Variants in PCDHGB4 observed in about 807,000 individuals in gnomAD.
PCDHGB4 encodes protocadherin gamma-B4.
Under a neutral mutation model 60.5 loss-of-function variants are expected in PCDHGB4, and 38 were observed. That is an observed-to-expected ratio of 0.63 (90% CI 0.48 to 0.82). PCDHGB4 has a LOEUF of 0.82. Ranked by LOEUF, PCDHGB4 falls within the 40% of genes least tolerant of loss-of-function variation. PCDHGB4 has a pLI of 0.00. For missense variants in PCDHGB4, 1,109 were observed against 1,209.6 expected (o/e 0.92, Z 1.23); for synonymous variants, 456 against 509.7 (o/e 0.89, Z 1.42).
chr5:141,404,796 G>T, intron 1 of PCDHGB4: 1 of 1,613,970 alleles, frequency 6.2e-7, no homozygotes, highest in Non-Finnish European at 8.5e-7. Flanking sequence ...AGTGAGCCAG[G>T]GCTCTTCTCG....
intron 1 of PCDHGB4, among the ~76,000 whole-genome samples, chr5:141,446,338 G>T (rs964323259): frequency 6.6e-6 from 1 of 152,128 alleles, no homozygotes; most frequent in African/African-American, 2.4e-5. Flanking sequence ...GGAACTGGAT[G>T]GACAAAGCTA....
Position 141,512,106 on chromosome 5 carries a change from T to A in PCDHGB4, c.*933T>A, listed in dbSNP as rs2099884076. 6.6e-6 allele frequency: 1 copy of A among 152,630 alleles called. No homozygotes were observed. Among genetic ancestry groups the A allele is most frequent in the Non-Finnish European group, 1.5e-5 (1 of 68,060 alleles). 9.5% of individuals were successfully genotyped at this position (152,630 alleles called of 1,614,324 possible). On this transcript the variant is annotated 3_prime_UTR_variant, in exon 4 of 4. Transcript: ENST00000519479. ...TAAACCAATAACTAGGCTGGACCCT[T>A]CCCACTACATAATAGGGCTCAGCCC...
At chr5:141,418,147 C>A (rs781655205) in intron 1 of PCDHGB4, 3 of 1,614,040 alleles carry the variant, frequency 1.9e-6, no homozygotes, top group Non-Finnish European at 2.5e-6. Flanking sequence ...AGCAAATATG[C>A]AAAGAGAGAA....
intron 1 of PCDHGB4, among the ~76,000 whole-genome samples, chr5:141,460,646 C>T (rs1001365023): frequency 2.0e-5 from 3 of 151,954 alleles, no homozygotes; most frequent in African/African-American, 7.3e-5. Context: ...ACTGTGTTTA[C>T]ACATATGTAA....
At chr5:141,478,117 C>T (rs1419172538) in intron 1 of PCDHGB4, 2 of 1,614,058 alleles carry the variant, frequency 1.2e-6, no homozygotes, top group East Asian at 4.5e-5. Flanking sequence ...TGTCAGTAAC[C>T]GAGGACTCTC....
At position 141,432,552 on chromosome 5, in the gene PCDHGB4, C is replaced by G. The variant is rs1181931321; in HGVS notation, c.2397+42271C>G. ...AAGGTGGTGGCGGTGGACAGAGACT[C>G]CGGCCAGAACGCCTGGCTGTCCTAC... On this transcript the variant is annotated intron_variant, in intron 1 of 3. Coordinates refer to ENST00000519479, the MANE Select transcript of PCDHGB4 (RefSeq NM_003736.4). The surrounding 1 kb of genome is among the most constrained non-coding windows in gnomAD (Gnocchi z 6.0). The G allele has an allele frequency of 6.2e-7, 1 of 1,613,970 alleles. No homozygotes were observed. The highest frequency in any genetic ancestry group is 1.1e-5 in the South Asian group (1 of 91,064).
chr5:141,418,254 A>T (rs1217236221), intron 1 of PCDHGB4: 2 of 1,613,904 alleles, frequency 1.2e-6, no homozygotes, highest in African/African-American at 2.7e-5. Flanking sequence ...CACGCCCCTC[A>T]ATTCCGGAAA....
chr5:141,401,770 T>C (rs975272408), intron 1 of PCDHGB4, among the ~76,000 whole-genome samples: 2 of 152,202 alleles, frequency 1.3e-5, no homozygotes, highest in African/African-American at 4.8e-5. Context: ...TATAAGTCTT[T>C]TGCTTGGTTT....
At chr5:141,427,683 G>A (rs761750638) in intron 1 of PCDHGB4, 3 of 836,052 alleles carry the variant, frequency 3.6e-6, no homozygotes, top group South Asian at 2.8e-5. Flanking sequence ...CCTTCCCGGA[G>A]CCTCCATCCC....
At chr5:141,471,114 T>A (rs1210058743) in intron 1 of PCDHGB4, among the ~76,000 whole-genome samples, 1 of 150,256 alleles carries the variant, frequency 6.7e-6, no homozygotes, top group Non-Finnish European at 1.5e-5. Context: ...AGTGGTGCGA[T>A]CTTACCTTCA....
intron 2 of PCDHGB4, among the ~76,000 whole-genome samples, chr5:141,505,007 C>T (rs1210694913): frequency 6.6e-6 from 1 of 152,050 alleles, no homozygotes; most frequent in Non-Finnish European, 1.5e-5. Flanking sequence ...ACTAAAAATA[C>T]AAAAATTAGC....
rs1444244130 is a variant in PCDHGB4 at position 141,433,401 on chromosome 5, A to ATCTATCTC, written c.2397+43125_2397+43126insCTCTCTAT. The stretch of plus-strand genomic sequence containing the variant: ...TATCTATCTATCTATCTATCTATCT[A>ATCTATCTC]TCTATTACTTTCTTGTACAGACAGG... On this transcript the variant is annotated intron_variant, in intron 1 of 3. Transcript: ENST00000519479. Among the ~76,000 whole-genome samples, 100 of 150,598 alleles carry ATCTATCTC rather than the reference A, an allele frequency of 6.6e-4. 1 individual carries two copies. Among genetic ancestry groups the ATCTATCTC allele is most frequent in the African/African-American group, 2.4e-3 (100 of 40,958 alleles).
intron 1 of PCDHGB4, among the ~76,000 whole-genome samples, chr5:141,397,195 GAT>G (rs2093485710): frequency 1.3e-5 from 2 of 152,150 alleles, no homozygotes; most frequent in Admixed American, 1.3e-4. Context: ...TACTGTAAAA[GAT>G]ATGACATAAG....
intron 1 of PCDHGB4, chr5:141,390,614 G>C (rs184586504): frequency 4.8e-5 from 14 of 289,200 alleles, no homozygotes; most frequent in Admixed American, 2.4e-4. Context: ...TTTCCTTCTT[G>C]TTGACTAATA....
At chr5:141,398,019 A>T (rs2093601039) in intron 1 of PCDHGB4, 1 of 1,427,024 alleles carries the variant, frequency 7.0e-7, no homozygotes, top group Admixed American at 2.6e-5. Flanking sequence ...CGTTTCCTAA[A>T]CTGGAACTGG....
At chr5:141,464,580 G>A (rs1459502164) in intron 1 of PCDHGB4, among the ~76,000 whole-genome samples, 1 of 152,118 alleles carries the variant, frequency 6.6e-6, no homozygotes, top group East Asian at 1.9e-4. Context: ...AGATGAGAAT[G>A]TCCATTGTCC....
At chr5:141,390,321 C>T (rs776100029) in intron 1 of PCDHGB4, 40 bp downstream of exon 1, 13 of 1,606,964 alleles carry the variant, frequency 8.1e-6, no homozygotes, top group Admixed American at 1.7e-5. Context: ...TCATTGCCTA[C>T]CCATTTCTCC....
intron 1 of PCDHGB4, among the ~76,000 whole-genome samples, chr5:141,452,353 AG>A (rs556616398): frequency 5.9e-5 from 9 of 152,206 alleles, no homozygotes; most frequent in Non-Finnish European, 1.3e-4. Context: ...TTTATCCAAA[AG>A]CCTTGCTTCA....
At chr5:141,405,359 GAC>G in intron 1 of PCDHGB4, 1 of 1,614,018 alleles carries the variant, frequency 6.2e-7, no homozygotes, top group Admixed American at 1.7e-5. Context: ...TCCTATAGAA[GAC>G]ACCCCTTTGG....
Sources: gnomAD v4.1 joint callset for allele counts (sites outside exome capture counted in the v4.1 genomes callset) on GRCh38, gnomAD v4.1.1 for gene constraint, Gnocchi (gnomAD v3.1) non-coding constraint, MANE v1.5 for transcripts, NCBI Gene and HGNC (gene_info 2026-07-23, HGNC 2026-07-21) for gene names.